The following FAM167A variants were observed in gnomAD, a reference collection of about 807,000 sequenced individuals.
The protein encoded by FAM167A is protein FAM167A.
A neutral mutation model predicts 14.9 loss-of-function variants in FAM167A; 23 were observed. The observed-to-expected ratio is 1.55, with a 90% CI of 1.11 to 2.19. The LOEUF (loss-of-function observed/expected upper bound fraction) is 2.19. Among genes scored for constraint, FAM167A ranks in the 30% most tolerant of loss-of-function variants. The pLI, the probability that FAM167A is intolerant of heterozygous loss-of-function variation, is 0.00. For missense variants in FAM167A, 401 were observed against 281.5 expected (o/e 1.42, Z -3.04); for synonymous variants, 174 against 117.7 (o/e 1.48, Z -3.10).
chr8:11,438,855 C>T (rs763116677), intron 2 of FAM167A, among the ~76,000 whole-genome samples: 7 of 152,338 alleles, frequency 4.6e-5, no homozygotes, highest in South Asian at 2.1e-4. Flanking sequence ...ACCAAATCCC[C>T]GCTCAGCCAG....
chr8:11,456,961 G>GTA (rs1807343296), intron 1 of FAM167A, among the ~76,000 whole-genome samples: 1 of 107,012 alleles, frequency 9.3e-6, no homozygotes, highest in Non-Finnish European at 2.0e-5. Flanking sequence ...GGTTAGGGAA[G>GTA]TGGGCGGGGC....
intron 2 of FAM167A, among the ~76,000 whole-genome samples, chr8:11,427,044 T>C (rs35451013): frequency 0.14 from 21,348 of 152,200 alleles, 2,064 homozygotes; most frequent in Non-Finnish European, 0.22. Context: ...AAGTTCTTTG[T>C]GGGCCAATTG....
chr8:11,431,009 C>T (rs1349363725), intron 2 of FAM167A, among the ~76,000 whole-genome samples: 2 of 152,248 alleles, frequency 1.3e-5, no homozygotes, highest in Non-Finnish European at 2.9e-5. Context: ...ATGGCGGGTC[C>T]CGGAAAGTTA....
At position 11,421,721 on chromosome 8, in the gene FAM167A, C is replaced by A. The variant is rs929108665; in HGVS notation, c.*2652G>T. 1 of 399,022 alleles carries A rather than the reference C, an allele frequency of 2.5e-6. No individual in the cohort carries two copies. Among genetic ancestry groups the A allele is most frequent in the Non-Finnish European group, 4.4e-6 (1 of 226,092 alleles). The allele number at this position is 399,022 out of a possible 1,614,324, so 24.7% of individuals were successfully genotyped here. ...GGCATCAAGACATGACCACGCATGG[C>A]AGTGTCGGTGGAGAGTTTGCGTTTT... On this transcript the variant is annotated 3_prime_UTR_variant, in exon 3 of 3. Coordinates refer to ENST00000284486, the MANE Select transcript of FAM167A (RefSeq NM_053279.3).
chr8:11,428,350 AAG>A (rs1183005830), intron 2 of FAM167A, among the ~76,000 whole-genome samples: 1 of 152,266 alleles, frequency 6.6e-6, no homozygotes, highest in Non-Finnish European at 1.5e-5. Context: ...GGCAGCTAGA[AAG>A]AGGGCTGACA....
intron 2 of FAM167A, among the ~76,000 whole-genome samples, chr8:11,441,494 G>C (rs573327104): frequency 7.6e-4 from 116 of 152,350 alleles, no homozygotes; most frequent in African/African-American, 2.7e-3. Flanking sequence ...TGCTCTGAGA[G>C]ATTCTCTATC....
intron 1 of FAM167A, among the ~76,000 whole-genome samples, chr8:11,464,416 T>A (rs947127062): frequency 2.0e-5 from 3 of 151,948 alleles, no homozygotes; most frequent in Non-Finnish European, 4.4e-5. Flanking sequence ...CCTCCTAAAC[T>A]CTTTTCCCAC....
At chr8:11,450,412 C>T (rs888843500) in intron 1 of FAM167A, among the ~76,000 whole-genome samples, 1 of 152,224 alleles carries the variant, frequency 6.6e-6, no homozygotes, top group Non-Finnish European at 1.5e-5. Context: ...GTATCATCAT[C>T]CCCATTTTAC....
At chr8:11,453,737 C>A (rs1343723464) in intron 1 of FAM167A, among the ~76,000 whole-genome samples, 1 of 152,154 alleles carries the variant, frequency 6.6e-6, no homozygotes, top group East Asian at 1.9e-4. Flanking sequence ...ATAGCCAGCT[C>A]TGTCTTGGTT....
intron 2 of FAM167A, among the ~76,000 whole-genome samples, chr8:11,443,308 A>G (rs758558337): frequency 1.1e-4 from 16 of 152,178 alleles, no homozygotes; most frequent in African/African-American, 3.1e-4. Flanking sequence ...AGATGCTCCT[A>G]TTGGGAATCT....
rs533069619 is a variant in FAM167A, at chr8:11,438,666, T to G, written c.381+5365A>C. 1.5e-3 allele frequency: 564 copies of G among 385,586 alleles called. 7 individuals carry two copies. Among genetic ancestry groups the G allele is most frequent in the South Asian group, 6.6e-3 (328 of 50,020 alleles). The allele number at this position is 385,586 out of a possible 1,614,324, so 23.9% of individuals were successfully genotyped here. A position where few individuals can be genotyped will look rare whatever the true frequency, so the allele number is the denominator to read the frequency against. On this transcript the variant is annotated intron_variant, in intron 2 of 2. Transcript: ENST00000284486. ...TCATCAAGTTTTGGTGTATTTCCTTTCCTGGTTCTTTTGTTTATACATTCT... is the reference window on the plus strand; with the variant it reads ...TCATCAAGTTTTGGTGTATTTCCTTGCCTGGTTCTTTTGTTTATACATTCT...
At chr8:11,472,405 GT>G (rs1176873690), upstream of FAM167A, among the ~76,000 whole-genome samples, 1 of 136,654 alleles carries the variant, frequency 7.3e-6, no homozygotes, top group Non-Finnish European at 1.6e-5. Flanking sequence ...CACAGCATTT[GT>G]TTTTGTTTTG....
At chr8:11,433,734 T>A (rs546906859) in intron 2 of FAM167A, among the ~76,000 whole-genome samples, 6 of 152,304 alleles carry the variant, frequency 3.9e-5, no homozygotes, top group African/African-American at 1.4e-4. Context: ...GCCTAATAGC[T>A]ACAATTAGTC....
chr8:11,462,112 G>A lies in FAM167A; in HGVS notation c.-398+4514C>T, dbSNP rs139184092. Among the ~76,000 whole-genome samples the A allele has an allele frequency of 3.3e-3, 499 of 152,374 alleles. 19 individuals are homozygous for A. Among genetic ancestry groups the A allele is most frequent in the South Asian group, 0.026 (124 of 4,828 alleles). On this transcript the variant is annotated intron_variant, in intron 1 of 2. Transcript: ENST00000284486. ...CCGCAGGCAGGGCAGAAAATGGGAT[G>A]TGTGACTTTGCTTCCCTGCCGTGTC...
intron 1 of FAM167A, among the ~76,000 whole-genome samples, chr8:11,459,079 C>A (rs138040988): frequency 6.6e-6 from 1 of 152,250 alleles, no homozygotes; most frequent in South Asian, 2.1e-4. Context: ...TTCTCTCTAT[C>A]ACCCATTTCT....
At chr8:11,459,773 G>T (rs1433973875) in intron 1 of FAM167A, among the ~76,000 whole-genome samples, 1 of 152,122 alleles carries the variant, frequency 6.6e-6, no homozygotes, top group African/African-American at 2.4e-5. Context: ...GGAATGCAGC[G>T]GCACGACCTC....
intron 2 of FAM167A, among the ~76,000 whole-genome samples, chr8:11,427,291 A>G (rs1355442397): frequency 6.6e-6 from 1 of 152,132 alleles, no homozygotes; most frequent in Non-Finnish European, 1.5e-5. Flanking sequence ...TGGAGCTCAG[A>G]GGGCTGGTTT....
rs1806671710 is a variant in FAM167A at position 11,444,631 on chromosome 8, A to T, written c.-220T>A. Reference sequence around the variant, plus strand: ...GCCCTCCTGGAGGCTCGGGTCTATGATCCGTCCTGGAAGCCTGTGGGTGCC... The same window carrying T: ...GCCCTCCTGGAGGCTCGGGTCTATGTTCCGTCCTGGAAGCCTGTGGGTGCC... On this transcript the variant is annotated 5_prime_UTR_variant, in exon 2 of 3. Coordinates refer to ENST00000284486, the MANE Select transcript of FAM167A (RefSeq NM_053279.3). The T allele has an allele frequency of 3.0e-6, 4 of 1,353,632 alleles. No homozygotes were observed. The South Asian group carries it at 7.9e-5, about 27-fold the overall frequency. The allele number at this position is 1,353,632 out of a possible 1,614,324, so 83.9% of individuals were successfully genotyped here.
chr8:11,444,352 G>A lies in FAM167A; in HGVS notation c.60C>T (p.Ala20=), dbSNP rs199614470. Residue 20 remains alanine (A), a synonymous_variant, in exon 2 of 3, where the codon GCC becomes GCT. Transcript: ENST00000284486. ...EVGAEEGAGA[A]APPDDHLRSL... ...TCCGGAGGTGGTCATCGGGTGGTGC[G>A]GCTGCTCCCGCCCCCTCTTCTGCAC... The A allele has an allele frequency of 1.7e-5, 28 of 1,600,776 alleles. No individual in the cohort carries two copies. The highest frequency in any genetic ancestry group is 1.8e-4 in the Middle Eastern group (1 of 5,602).
Sources: gnomAD v4.1 joint callset for allele counts (sites outside exome capture counted in the v4.1 genomes callset) on GRCh38, gnomAD v4.1.1 for gene constraint, MANE v1.5 for transcripts, NCBI Gene and HGNC (gene_info 2026-07-23, HGNC 2026-07-21) for gene names.